TTLL13: variants seen among roughly 807,000 people sequenced by gnomAD.
The protein encoded by TTLL13 is tubulin polyglutamylase TTLL13.
At chr15:90,264,953 A>T in the TTLL13 span, 2 of 1,535,842 alleles carry the variant, frequency 1.3e-6, no homozygotes, top group Non-Finnish European at 8.7e-7. Flanking sequence ...CCTCAACATC[A>T]ATCAGTTCAG....
At chr15:90,251,483 G>A in the TTLL13 span, 387 of 1,417,090 alleles carry the variant, frequency 2.7e-4, no homozygotes, top group African/African-American at 4.6e-3. Flanking sequence ...TGAATTTGTT[G>A]GATGTCTTTT....
the TTLL13 span, chr15:90,250,609 C>A: frequency 1.2e-6 from 2 of 1,607,224 alleles, no homozygotes; most frequent in Non-Finnish European, 1.7e-6. Context: ...TCCCACCCCG[C>A]AACCCCTCAG....
the TTLL13 span, chr15:90,257,489 C>G: frequency 2.1e-6 from 2 of 970,714 alleles, no homozygotes; most frequent in Non-Finnish European, 3.0e-6. Context: ...CACTCTTCCC[C>G]AGGATCATCT....
chr15:90,250,819 G>C, the TTLL13 span: 1 of 1,613,538 alleles, frequency 6.2e-7, no homozygotes, highest in South Asian at 1.1e-5. Context: ...AAATTCCGAA[G>C]AAAGTCATAG....
At chr15:90,256,652 C>T in the TTLL13 span, among the ~76,000 whole-genome samples, 34,198 of 134,936 alleles carry the variant, frequency 0.25, 5,995 homozygotes, top group East Asian at 0.71. Context: ...TTTCTTTCTC[C>T]CTTTCCTTCC....
chr15:90,264,377 T>C, the TTLL13 span, among the ~76,000 whole-genome samples: 1 of 152,146 alleles, frequency 6.6e-6, no homozygotes, highest in African/African-American at 2.4e-5. Context: ...ATTTTGTTTT[T>C]GCCACGTAGC....
chr15:90,253,427 C>A, the TTLL13 span: 3 of 1,306,538 alleles, frequency 2.3e-6, no homozygotes, highest in East Asian at 7.2e-5. Flanking sequence ...ACTATTCCCA[C>A]CTCCTTGCCC....
the TTLL13 span, among the ~76,000 whole-genome samples, chr15:90,261,595 C>T: frequency 3.3e-5 from 5 of 151,798 alleles, no homozygotes; most frequent in South Asian, 6.2e-4. Flanking sequence ...GCCTTGCCAA[C>T]GTGGTGAAAC....
At chr15:90,257,811 C>A in the TTLL13 span, 3 of 1,329,254 alleles carry the variant, frequency 2.3e-6, no homozygotes, top group Non-Finnish European at 3.2e-6. Flanking sequence ...TCTTGGGAGG[C>A]TAATTGCCCA....
At chr15:90,258,059 C>G in the TTLL13 span, 1 of 1,614,174 alleles carries the variant, frequency 6.2e-7, no homozygotes, top group Non-Finnish European at 8.5e-7. Flanking sequence ...CACTCAACAT[C>G]TGGCTGCAAG....
chr15:90,263,561 C>T, the TTLL13 span: 3 of 552,918 alleles, frequency 5.4e-6, no homozygotes, highest in Non-Finnish European at 6.4e-6. Context: ...CTGCCGCTTT[C>T]ACTATTCCCT....
chr15:90,258,857 G>A, the TTLL13 span: 8 of 1,614,080 alleles, frequency 5.0e-6, no homozygotes, highest in Non-Finnish European at 6.8e-6. Context: ...CAAAAGGAAG[G>A]TGATGGAGGA....
At chr15:90,255,626 G>A in the TTLL13 span, 2 of 1,353,782 alleles carry the variant, frequency 1.5e-6, no homozygotes, top group South Asian at 2.6e-5. Flanking sequence ...GGGGTCCTTG[G>A]TGCAGTGCTT....
chr15:90,256,589 CTTT>C, the TTLL13 span, among the ~76,000 whole-genome samples: 37 of 34,850 alleles, frequency 1.1e-3, no homozygotes, highest in South Asian at 1.5e-3. Flanking sequence ...TTCTTTCTTT[CTTT>C]CTTTCTTTCT....
the TTLL13 span, chr15:90,257,951 A>G: frequency 7.7e-7 from 1 of 1,295,830 alleles, no homozygotes; most frequent in Non-Finnish European, 1.1e-6. Context: ...CGGGCATGCA[A>G]TTAGCGTTAG....
the TTLL13 span, chr15:90,257,518 T>G: frequency 9.5e-7 from 1 of 1,050,936 alleles, no homozygotes; most frequent in Non-Finnish European, 1.4e-6. Flanking sequence ...AGTCCTCTGG[T>G]GGAGAGAGAC....
chr15:90,258,246 A>G, the TTLL13 span: 1 of 1,614,220 alleles, frequency 6.2e-7, no homozygotes, highest in African/African-American at 1.3e-5. Context: ...GCTGGACCAC[A>G]AGTTGAAGCC....
the TTLL13 span, chr15:90,256,011 T>C: frequency 2.1e-5 from 33 of 1,563,270 alleles, no homozygotes; most frequent in African/African-American, 2.7e-5. Context: ...TTTCAGCTGG[T>C]CAAAGAAAAG....
chr15:90,250,510 T>A, the TTLL13 span: 105 of 1,280,900 alleles, frequency 8.2e-5, no homozygotes, highest in Non-Finnish European at 1.0e-4. Flanking sequence ...GCAGCAACTT[T>A]CCCTTATAAC....
Sources: allele counts gnomAD v4.1 joint callset (sites outside exome capture counted in the v4.1 genomes callset), GRCh38; gene constraint gnomAD v4.1.1; transcripts MANE v1.5; gene names NCBI Gene and HGNC (gene_info 2026-07-23, HGNC 2026-07-21).